PLCB1: variants seen among roughly 807,000 people sequenced by gnomAD.
The protein encoded by PLCB1 is phospholipase C beta 1, also known as 1-phosphatidylinositol 4,5-bisphosphate phosphodiesterase beta-1.
PLCB1 carries 46 observed loss-of-function variants against 161.8 expected under a neutral mutation model. The ratio of observed to expected loss-of-function variants is 0.28; its 90% confidence interval spans 0.22 to 0.36. The LOEUF (loss-of-function observed/expected upper bound fraction) is 0.36, where lower values mean the gene tolerates loss of function less well. Ranked by LOEUF, PLCB1 falls within the 10% of genes least tolerant of loss-of-function variation. PLCB1 has a pLI of 1.00. For missense variants in PLCB1, 1,016 were observed against 1,472.5 expected, an observed-to-expected ratio of 0.69 and a Z score of 5.07; for synonymous variants, 517 against 503.7, an observed-to-expected ratio of 1.03 and a Z score of -0.35.
chr20:8,218,041 A>G (rs1316699545), intron 2 of PLCB1, among the ~76,000 whole-genome samples: 1 of 152,190 alleles, frequency 6.6e-6, no homozygotes, highest in Non-Finnish European at 1.5e-5. Context: ...AGCAACCACA[A>G]CATGGACTAA....
At chr20:8,489,741 T>C (rs1386148242) in intron 3 of PLCB1, among the ~76,000 whole-genome samples, 1 of 152,202 alleles carries the variant, frequency 6.6e-6, no homozygotes, top group Non-Finnish European at 1.5e-5. Context: ...CCAGCATTAT[T>C]CTAGAAAGTT....
intron 17 of PLCB1, 55 bp from the exon 18 acceptor site, chr20:8,728,995 T>C (rs1600281066): frequency 8.0e-7 from 1 of 1,254,118 alleles, no homozygotes; most frequent in Admixed American, 2.3e-5. Flanking sequence ...TCTTAGTTAC[T>C]ATTATTGACT....
intron 3 of PLCB1, among the ~76,000 whole-genome samples, chr20:8,577,431 C>A (rs1321596689): frequency 7.6e-6 from 1 of 131,096 alleles, no homozygotes; most frequent in Admixed American, 7.8e-5. Context: ...GAGCGAGACC[C>A]TGTCTCAAAA....
intron 7 of PLCB1, chr20:8,653,086 C>T (rs6055978): frequency 0.71 from 107,926 of 151,880 alleles, 38,750 homozygotes; most frequent in Admixed American, 0.81. Context: ...TCAGTGACAT[C>T]TGGAATTGTA....
At chr20:8,828,147 T>C (rs951100320) in intron 31 of PLCB1, among the ~76,000 whole-genome samples, 18 of 152,074 alleles carry the variant, frequency 1.2e-4, no homozygotes, top group East Asian at 3.9e-4. Flanking sequence ...ATATCCTGCA[T>C]TGGGGGGTGT....
At chr20:8,273,564 C>T (rs925018222) in intron 2 of PLCB1, among the ~76,000 whole-genome samples, 1 of 152,088 alleles carries the variant, frequency 6.6e-6, no homozygotes, top group South Asian at 2.1e-4. Context: ...AAGCATCCAG[C>T]CCGAGAAATT....
At chr20:8,245,824 T>G (rs1980850155) in intron 2 of PLCB1, among the ~76,000 whole-genome samples, 1 of 151,976 alleles carries the variant, frequency 6.6e-6, no homozygotes, top group South Asian at 2.1e-4. Flanking sequence ...GGTCTTTTCA[T>G]GTATTTATTT....
chr20:8,859,110 A>T, intron 31 of PLCB1, among the ~76,000 whole-genome samples: 1 of 152,098 alleles, frequency 6.6e-6, no homozygotes. Flanking sequence ...CCTCTTCCTC[A>T]AGGTTTCCGC....
At chr20:8,665,612 A>T (rs1203525582) in intron 9 of PLCB1, among the ~76,000 whole-genome samples, 1 of 152,232 alleles carries the variant, frequency 6.6e-6, no homozygotes, top group East Asian at 1.9e-4. Context: ...TTTTTATTAA[A>T]ATGGAATTAT....
chr20:8,179,588 A>G (rs2051817199), intron 2 of PLCB1, among the ~76,000 whole-genome samples: 1 of 152,126 alleles, frequency 6.6e-6, no homozygotes, highest in Non-Finnish European at 1.5e-5. Context: ...TCGTCTGCAA[A>G]CTGAGATGGT....
intron 3 of PLCB1, among the ~76,000 whole-genome samples, chr20:8,486,955 G>T (rs1982756406): frequency 6.6e-6 from 1 of 152,232 alleles, no homozygotes; most frequent in South Asian, 2.1e-4. Context: ...CAGGCAGGTT[G>T]CAGGTGGCAT....
At chr20:8,274,227 A>G (rs1421014223) in intron 2 of PLCB1, among the ~76,000 whole-genome samples, 1 of 152,152 alleles carries the variant, frequency 6.6e-6, no homozygotes, top group Non-Finnish European at 1.5e-5. Context: ...ACAAAATCAG[A>G]GCCCCAAGTC....
intron 31 of PLCB1, among the ~76,000 whole-genome samples, chr20:8,820,882 ATATAT>A (rs1181025294): frequency 6.6e-6 from 1 of 152,236 alleles, no homozygotes; most frequent in Non-Finnish European, 1.5e-5. Context: ...TGGGAGGAAA[ATATAT>A]ACAGTATGAT....
rs1982533238 is a variant in PLCB1, at chr20:8,482,212, T to C, written c.246+110762T>C. Among the ~76,000 whole-genome samples the C allele has an allele frequency of 2.0e-5, 3 of 148,668 alleles. No individual in the cohort carries two copies. In the South Asian group the frequency reaches 6.6e-4, roughly 33 times the overall value. ...TCTGCCTCTCGGGTTCAAGCCATTC[T>C]CCTACCTCAGCCTCCCAAGTAACTG... is the stretch of plus-strand genomic sequence containing the variant. On this transcript the variant is annotated intron_variant, in intron 3 of 31. Coordinates refer to ENST00000338037, the MANE Select transcript of PLCB1 (RefSeq NM_015192.4).
intron 27 of PLCB1, among the ~76,000 whole-genome samples, chr20:8,787,274 G>A (rs528437653): frequency 6.6e-6 from 1 of 152,306 alleles, no homozygotes; most frequent in South Asian, 2.1e-4. Flanking sequence ...GAAGAGGAGT[G>A]GCCAGGCTCC....
chr20:8,796,053 T>C (rs543950119), intron 31 of PLCB1, among the ~76,000 whole-genome samples: 1 of 152,196 alleles, frequency 6.6e-6, no homozygotes, highest in Non-Finnish European at 1.5e-5. Context: ...AAACAGTCAA[T>C]AAATGTGTAA....
At chr20:8,186,542 T>C (rs913551168) in intron 2 of PLCB1, among the ~76,000 whole-genome samples, 12 of 152,210 alleles carry the variant, frequency 7.9e-5, no homozygotes, top group African/African-American at 2.9e-4. Flanking sequence ...ATGTACAAAA[T>C]GTCTTGCAAA....
intron 1 of PLCB1, among the ~76,000 whole-genome samples, chr20:8,139,986 G>T (rs1358948855): frequency 6.6e-6 from 1 of 152,196 alleles, no homozygotes; most frequent in African/African-American, 2.4e-5. Context: ...CCTTTGGGTT[G>T]TTTCTACAGA....
chr20:8,697,421 CTA>C lies in PLCB1; in HGVS notation c.1010-203_1010-202del, dbSNP rs925259724. 2.1e-3 allele frequency among the ~76,000 whole-genome samples: 319 copies of C among 152,282 alleles called. 2 individuals carry two copies. Among genetic ancestry groups the C allele is most frequent in the African/African-American group, 7.0e-3 (290 of 41,554 alleles). Reference sequence around the variant, plus strand: ...GCATCGTTGTTATTGTTACAATGCCCTATCTTTTCCCAAAGCACTACTACAGA... The same window carrying C: ...GCATCGTTGTTATTGTTACAATGCCCTCTTTTCCCAAAGCACTACTACAGA... On this transcript the variant is annotated intron_variant, in intron 10 of 31. Transcript: ENST00000338037.
Sources: allele counts gnomAD v4.1 joint callset (sites outside exome capture counted in the v4.1 genomes callset), GRCh38; gene constraint gnomAD v4.1.1; transcripts MANE v1.5; gene names NCBI Gene and HGNC (gene_info 2026-07-23, HGNC 2026-07-21).